Variants in ERBB4 observed in about 807,000 individuals in gnomAD.
ERBB4 encodes receptor tyrosine-protein kinase erbB-4.
In ERBB4, 42 loss-of-function variants were observed where a neutral mutation model predicts 158.0. The ratio of observed to expected loss-of-function variants is 0.27; its 90% CI spans 0.21 to 0.34. The LOEUF (loss-of-function observed/expected upper bound fraction) is 0.34, where lower values mean the gene tolerates loss of function less well. Ranked by LOEUF, ERBB4 falls within the 10% of genes least tolerant of loss-of-function variation. The pLI is 1.00. For synonymous variants in ERBB4, 583 were observed against 558.7 expected (o/e 1.04, Z -0.61); for missense variants, 1,333 against 1,624.1 (o/e 0.82, Z 3.08).
intron 2 of ERBB4, among the ~76,000 whole-genome samples, chr2:212,085,013 T>C (rs2078560730): frequency 6.6e-6 from 1 of 151,912 alleles, no homozygotes; most frequent in Non-Finnish European, 1.5e-5. Flanking sequence ...GCTGTGCAGG[T>C]CAGTAGATTG....
chr2:212,284,489 T>C (rs2085884018), intron 1 of ERBB4, among the ~76,000 whole-genome samples: 1 of 152,112 alleles, frequency 6.6e-6, no homozygotes, highest in Admixed American at 6.6e-5. Flanking sequence ...GACTATGGCA[T>C]ATAAACTCCA....
At position 211,802,295 on chromosome 2, in the gene ERBB4, G is replaced by A. The variant is rs2076518513; in HGVS notation, c.422-14136C>T. On this transcript the variant is annotated intron_variant, in intron 3 of 27. Coordinates refer to ENST00000342788, the MANE Select transcript of ERBB4 (RefSeq NM_005235.3). ...AAAAAACACAAAAAACTGAAATACA[G>A]GTAGTGGGAATGCTAATAAGAGTAC... Among the ~76,000 whole-genome samples the A allele has an allele frequency of 2.6e-5, 4 of 151,742 alleles. No homozygotes were observed. In the South Asian group the frequency reaches 8.3e-4, roughly 32 times the overall value.
At chr2:211,846,437 T>A (rs541450819) in intron 3 of ERBB4, among the ~76,000 whole-genome samples, 2 of 152,142 alleles carry the variant, frequency 1.3e-5, no homozygotes, top group Admixed American at 1.3e-4. Context: ...AGCAATATTT[T>A]TCCACTCTGT....
rs1184392884 is a variant in ERBB4 at position 211,535,871 on chromosome 2, A to G, written c.2487+26032T>C. The G allele has an allele frequency of 2.0e-5, 3 of 152,068 alleles. No individual in the cohort carries two copies. The East Asian group carries it at 5.8e-4, about 29-fold the overall frequency. 9.4% of individuals were successfully genotyped at this position (152,068 alleles called of 1,614,324 possible). A position where few individuals can be genotyped will look rare whatever the true frequency, so the allele number is the denominator to read the frequency against. On this transcript the variant is annotated intron_variant, in intron 20 of 27. Coordinates refer to ENST00000342788, the MANE Select transcript of ERBB4 (RefSeq NM_005235.3). ...TGAAATATTTCTATAATAGCTAAGAAGCCTTAGATTGTTGATAGTAATTAT... is the reference window on the plus strand; with the variant it reads ...TGAAATATTTCTATAATAGCTAAGAGGCCTTAGATTGTTGATAGTAATTAT...
At chr2:212,041,462 T>C (rs1036444213) in intron 2 of ERBB4, among the ~76,000 whole-genome samples, 2 of 152,074 alleles carry the variant, frequency 1.3e-5, no homozygotes, top group African/African-American at 4.8e-5. Context: ...GTTTCCAGAA[T>C]TGTTCACAAA....
At chr2:212,249,903 C>G (rs1408673771) in intron 1 of ERBB4, among the ~76,000 whole-genome samples, 1 of 151,916 alleles carries the variant, frequency 6.6e-6, no homozygotes, top group Non-Finnish European at 1.5e-5. Flanking sequence ...AGAAGCTTGA[C>G]AATGTCAAAG....
chr2:211,663,008 T>C (rs553387727), intron 15 of ERBB4, among the ~76,000 whole-genome samples: 2 of 152,312 alleles, frequency 1.3e-5, no homozygotes, highest in South Asian at 4.2e-4. Context: ...AATAGTTACT[T>C]GCTCCATCAT....
chr2:212,272,040 T>C (rs1334341069), intron 1 of ERBB4, among the ~76,000 whole-genome samples: 1 of 151,744 alleles, frequency 6.6e-6, no homozygotes, highest in Non-Finnish European at 1.5e-5. Context: ...AACTTTAGAA[T>C]GTGAAAACAG....
At chr2:211,757,369 G>A (rs913251484) in intron 4 of ERBB4, among the ~76,000 whole-genome samples, 1 of 152,010 alleles carries the variant, frequency 6.6e-6, no homozygotes. Flanking sequence ...TTTATCGTTG[G>A]GATTTTTCAT....
intron 17 of ERBB4, among the ~76,000 whole-genome samples, chr2:211,627,409 C>G (rs1055824758): frequency 1.6e-4 from 25 of 152,300 alleles, no homozygotes; most frequent in African/African-American, 5.1e-4. Context: ...AATTGACTAC[C>G]TTTATTTTGC....
intron 1 of ERBB4, among the ~76,000 whole-genome samples, chr2:212,513,273 T>C (rs1391228129): frequency 6.6e-6 from 1 of 152,220 alleles, no homozygotes; most frequent in Non-Finnish European, 1.5e-5. Flanking sequence ...ATTTGTTTTA[T>C]ATATTCAGCA....
At position 211,806,033 on chromosome 2, in the gene ERBB4, T is replaced by A. The variant is rs373870929; in HGVS notation, c.422-17874A>T. On this transcript the variant is annotated intron_variant, in intron 3 of 27. Transcript: ENST00000342788. ...CAAGTTATAGAGAGAAGAAAGAACA[T>A]ATAGAAGAATACATTATCAATAAAT... Among the ~76,000 whole-genome samples the A allele has an allele frequency of 5.9e-5, 9 of 151,980 alleles. No homozygotes were observed. In the East Asian group the frequency reaches 1.2e-3, roughly 20 times the overall value.
chr2:212,120,403 A>G (rs1319875245), intron 2 of ERBB4, among the ~76,000 whole-genome samples: 1 of 152,206 alleles, frequency 6.6e-6, no homozygotes, highest in African/African-American at 2.4e-5. Flanking sequence ...TATCTAGACA[A>G]TAGTTCATAT....
At chr2:211,741,922 T>C (rs2074813761) in intron 5 of ERBB4, among the ~76,000 whole-genome samples, 1 of 152,134 alleles carries the variant, frequency 6.6e-6, no homozygotes, top group South Asian at 2.1e-4. Context: ...ACCGGTAAAT[T>C]ATTGGGGCAC....
chr2:211,870,397 C>CGTCT (rs1489621300), intron 3 of ERBB4, among the ~76,000 whole-genome samples: 1 of 152,062 alleles, frequency 6.6e-6, no homozygotes, highest in Non-Finnish European at 1.5e-5. Flanking sequence ...ATATTCTAGA[C>CGTCT]ACTTGTTATT....
intron 25 of ERBB4, among the ~76,000 whole-genome samples, chr2:211,395,300 A>G (rs941352536): frequency 1.3e-5 from 2 of 152,056 alleles, no homozygotes; most frequent in Non-Finnish European, 2.9e-5. Context: ...TATGATTTAA[A>G]ATGTTTATTT....
intron 3 of ERBB4, among the ~76,000 whole-genome samples, chr2:211,904,017 G>T (rs1365255312): frequency 6.6e-6 from 1 of 152,026 alleles, no homozygotes; most frequent in African/African-American, 2.4e-5. Flanking sequence ...AGTGCTATAA[G>T]AAGAATATTC....
chr2:211,832,581 T>TATATATATAC (rs2077246347), intron 3 of ERBB4, among the ~76,000 whole-genome samples: 1 of 150,586 alleles, frequency 6.6e-6, no homozygotes, highest in Non-Finnish European at 1.5e-5. Context: ...TGTGTGTGTA[T>TATATATATAC]ATATATATAC....
chr2:212,467,605 A>T (rs989595159), intron 1 of ERBB4, among the ~76,000 whole-genome samples: 1 of 152,174 alleles, frequency 6.6e-6, no homozygotes, highest in Non-Finnish European at 1.5e-5. Context: ...ATTTCAGAAG[A>T]TGTATGGAAA....
Sources: gnomAD v4.1 joint callset for allele counts (sites outside exome capture counted in the v4.1 genomes callset) on GRCh38, gnomAD v4.1.1 for gene constraint, MANE v1.5 for transcripts, NCBI Gene and HGNC (gene_info 2026-07-23, HGNC 2026-07-21) for gene names.